Variants in NDST4 observed in about 807,000 individuals in gnomAD.
NDST4 encodes the protein N-heparan sulfate sulfotransferase 4.
NDST4 carries 63 observed loss-of-function variants against 100.8 expected under a neutral mutation model. The ratio of observed to expected loss-of-function variants is 0.62; its 90% CI spans 0.51 to 0.77. The LOEUF (loss-of-function observed/expected upper bound fraction) is 0.77. Ranked by LOEUF, NDST4 falls within the 30% of genes least tolerant of loss-of-function variation. The probability of loss-of-function intolerance (pLI) is 0.00; values close to 1 mark genes in which losing one functional copy is unlikely to be tolerated. For synonymous variants in NDST4, 377 were observed against 361.8 expected, an observed-to-expected ratio of 1.04 and a Z score of -0.48; for missense variants, 943 against 1,018.4, an observed-to-expected ratio of 0.93 and a Z score of 1.01.
chr4:115,081,249 G>A (rs943371671), intron 1 of NDST4, among the ~76,000 whole-genome samples: 1 of 152,114 alleles, frequency 6.6e-6, no homozygotes, highest in South Asian at 2.1e-4. Context: ...TTCAATGTAG[G>A]TGTTTTAACT....
intron 7 of NDST4, among the ~76,000 whole-genome samples, chr4:114,867,963 C>A (rs1001958725): frequency 2.6e-5 from 4 of 152,096 alleles, no homozygotes; most frequent in Non-Finnish European, 5.9e-5. Context: ...ATTCATATTG[C>A]AGTTTTTAAT....
At chr4:115,107,363 T>C (rs1035325536) in intron 1 of NDST4, among the ~76,000 whole-genome samples, 2 of 152,122 alleles carry the variant, frequency 1.3e-5, no homozygotes, top group African/African-American at 4.8e-5. Context: ...CTAAATAGTG[T>C]GCCATATCTT....
chr4:114,830,266 A>G (rs1723167022), intron 12 of NDST4, among the ~76,000 whole-genome samples: 1 of 152,218 alleles, frequency 6.6e-6, no homozygotes, highest in African/African-American at 2.4e-5. Flanking sequence ...TGTGATTTCA[A>G]AGATATGTTA....
chr4:115,058,980 T>C (rs1728758927), intron 2 of NDST4, among the ~76,000 whole-genome samples: 1 of 148,800 alleles, frequency 6.7e-6, no homozygotes, highest in African/African-American at 2.5e-5. Flanking sequence ...GTTCTGAAGC[T>C]ACACACACAC....
At chr4:114,828,309 AT>A (rs1394214666) in intron 13 of NDST4, among the ~76,000 whole-genome samples, 4 of 151,260 alleles carry the variant, frequency 2.6e-5, no homozygotes, top group Non-Finnish European at 5.9e-5. Context: ...ATGTACATAC[AT>A]TTTTTTTTGA....
chr4:114,901,844 AT>A (rs1341459455), intron 6 of NDST4, among the ~76,000 whole-genome samples: 2 of 144,180 alleles, frequency 1.4e-5, no homozygotes, highest in Non-Finnish European at 3.1e-5. Flanking sequence ...CTTCTTCTTC[AT>A]TTTTTTAGTG....
chr4:115,016,974 G>C (rs1727692309), intron 2 of NDST4, among the ~76,000 whole-genome samples: 1 of 150,630 alleles, frequency 6.6e-6, no homozygotes, highest in Admixed American at 6.6e-5. Flanking sequence ...TCCTTGTTTT[G>C]TTTTGAGTGT....
chr4:114,977,145 T>A (rs752970189), intron 3 of NDST4, 42 bp downstream of exon 3: 1 of 1,193,160 alleles, frequency 8.4e-7, no homozygotes, highest in South Asian at 1.3e-5. Context: ...ATTTATTTCC[T>A]ATTTATATGT....
chr4:114,982,277 A>C (rs181475652), intron 2 of NDST4, among the ~76,000 whole-genome samples: 271 of 152,304 alleles, frequency 1.8e-3, no homozygotes, highest in Middle Eastern at 0.017. Flanking sequence ...AACTTCCTAG[A>C]GACTTGTTGA....
At chr4:114,901,167 C>T (rs1031320134) in intron 6 of NDST4, among the ~76,000 whole-genome samples, 1 of 151,966 alleles carries the variant, frequency 6.6e-6, no homozygotes, top group Admixed American at 6.6e-5. Context: ...ATCCATTTGA[C>T]TGATGGTGTA....
chr4:114,842,832 C>A (rs2126184751), intron 10 of NDST4: 1 of 155,504 alleles, frequency 6.4e-6, no homozygotes, highest in Non-Finnish European at 1.4e-5. Flanking sequence ...CAACAAAAAA[C>A]TTTGTTTTCA....
At chr4:115,040,591 C>T (rs922986074) in intron 2 of NDST4, among the ~76,000 whole-genome samples, 10 of 151,668 alleles carry the variant, frequency 6.6e-5, no homozygotes, top group Non-Finnish European at 1.3e-4. Flanking sequence ...AGTATGATGC[C>T]AAAGCTGGGA....
intron 6 of NDST4, among the ~76,000 whole-genome samples, chr4:114,884,702 G>A (rs920217325): frequency 3.3e-5 from 5 of 152,018 alleles, no homozygotes; most frequent in Admixed American, 6.6e-5. Context: ...ATTTGAAAAC[G>A]CATTTTTTGC....
intron 6 of NDST4, among the ~76,000 whole-genome samples, chr4:114,885,698 C>A (rs965040225): frequency 6.6e-6 from 1 of 151,692 alleles, no homozygotes; most frequent in Non-Finnish European, 1.5e-5. Context: ...GGATTTTTTT[C>A]TTTCTCTTCT....
chr4:115,088,183 G>A (rs534758517), intron 1 of NDST4, among the ~76,000 whole-genome samples: 4 of 151,974 alleles, frequency 2.6e-5, no homozygotes, highest in Admixed American at 2.6e-4. Flanking sequence ...AAAACAGAAA[G>A]TGAAGGTTGA....
intron 2 of NDST4, among the ~76,000 whole-genome samples, chr4:115,043,513 G>A (rs1035059079): frequency 6.6e-6 from 1 of 152,038 alleles, no homozygotes; most frequent in African/African-American, 2.4e-5. Context: ...AACGAAGTCA[G>A]GAACCACTGT....
intron 8 of NDST4, among the ~76,000 whole-genome samples, chr4:114,850,343 T>A (rs1426515350): frequency 6.6e-6 from 1 of 152,076 alleles, no homozygotes. Flanking sequence ...TCTGCACACA[T>A]ACCTTCATGC....
At chr4:114,951,876 A>G (rs2126232313) in intron 4 of NDST4, among the ~76,000 whole-genome samples, 1 of 152,246 alleles carries the variant, frequency 6.6e-6, no homozygotes, top group East Asian at 1.9e-4. Context: ...TCTGAAAAAT[A>G]TGACTTCTTT....
At chr4:114,874,897 T>C (rs2126198455) in intron 6 of NDST4, among the ~76,000 whole-genome samples, 1 of 152,308 alleles carries the variant, frequency 6.6e-6, no homozygotes, top group South Asian at 2.1e-4. Context: ...ATACTAAAAA[T>C]AATCTTTCTC....
Sources: allele counts gnomAD v4.1 joint callset (sites outside exome capture counted in the v4.1 genomes callset), GRCh38; gene constraint gnomAD v4.1.1; transcripts MANE v1.5; gene names NCBI Gene and HGNC (gene_info 2026-07-23, HGNC 2026-07-21).